Variants in GOLM2 observed in about 807,000 individuals in gnomAD.
The protein encoded by GOLM2 is protein GOLM2.
Under a neutral mutation model 55.9 loss-of-function variants are expected in GOLM2, and 26 were observed. That is an observed-to-expected ratio of 0.47 (90% CI 0.34 to 0.65). GOLM2 has a LOEUF of 0.65. GOLM2 is among the 30% of genes least tolerant of loss of function. GOLM2 has a pLI of 0.01. For missense variants in GOLM2, 486 were observed against 531.8 expected (o/e 0.91, Z 0.85); for synonymous variants, 165 against 194.6 (o/e 0.85, Z 1.27).
intron 8 of GOLM2, chr15:44,382,243 G>C (rs1482756664): frequency 2.6e-5 from 4 of 152,100 alleles, no homozygotes; most frequent in African/African-American, 9.7e-5. Context: ...TCAACAAGAA[G>C]AGGTGTACAG....
intron 1 of GOLM2, among the ~76,000 whole-genome samples, chr15:44,314,933 C>T (rs1376963245): frequency 1.3e-5 from 2 of 152,150 alleles, no homozygotes; most frequent in African/African-American, 4.8e-5. Context: ...TAGCCTAGGA[C>T]CTGGCACAAA....
At chr15:44,344,307 A>ATATATATATATATATATATATATATC in intron 6 of GOLM2, among the ~76,000 whole-genome samples, 1 of 150,028 alleles carries the variant, frequency 6.7e-6, no homozygotes, top group South Asian at 2.1e-4. Context: ...ATATATATAT[A>ATATATATATATATATATATATATATC]TATACCTCTG....
intron 8 of GOLM2, among the ~76,000 whole-genome samples, chr15:44,381,377 T>C (rs1000633956): frequency 6.6e-6 from 1 of 152,196 alleles, no homozygotes; most frequent in Non-Finnish European, 1.5e-5. Flanking sequence ...ACATACACTC[T>C]GGGGGATTGC....
In GOLM2 at chr15:44,415,067, C is replaced by T. The variant is rs887344265; in HGVS notation, c.*1661C>T. 1 of 152,480 alleles carries T rather than the reference C, an allele frequency of 6.6e-6. No homozygotes were observed. Among genetic ancestry groups the T allele is most frequent in the African/African-American group, 2.4e-5 (1 of 41,418 alleles). 9.4% of individuals were successfully genotyped at this position (152,480 alleles called of 1,614,324 possible). ...GTACTAACACATTCTAGGCAAAATT[C>T]AAACTTATAGTGGTAAAGAAACAGG... is the stretch of plus-strand genomic sequence containing the variant. On this transcript the variant is annotated 3_prime_UTR_variant, in exon 10 of 10. Coordinates refer to ENST00000299957, the MANE Select transcript of GOLM2 (RefSeq NM_138423.4).
intron 8 of GOLM2, among the ~76,000 whole-genome samples, chr15:44,383,121 A>C (rs779871651): frequency 6.6e-6 from 1 of 150,906 alleles, no homozygotes; most frequent in East Asian, 1.9e-4. Context: ...TGTATATATT[A>C]TATACATATA....
At chr15:44,290,050 T>C (rs1250132879) in intron 1 of GOLM2, among the ~76,000 whole-genome samples, 1 of 152,248 alleles carries the variant, frequency 6.6e-6, no homozygotes, top group Non-Finnish European at 1.5e-5. Context: ...CAGTGGAATG[T>C]CATGTCAGTG....
chr15:44,384,987 G>A (rs895357070), intron 8 of GOLM2, among the ~76,000 whole-genome samples: 1 of 150,938 alleles, frequency 6.6e-6, no homozygotes, highest in Admixed American at 6.6e-5. Flanking sequence ...TCTGAAGTTC[G>A]ACCATGCTGT....
intron 6 of GOLM2, among the ~76,000 whole-genome samples, chr15:44,359,261 A>G (rs1181682104): frequency 6.6e-6 from 1 of 152,094 alleles, no homozygotes; most frequent in Non-Finnish European, 1.5e-5. Context: ...CTGATAAAAG[A>G]TCTATGCAAA....
chr15:44,363,979 T>C (rs1274424688), intron 6 of GOLM2, among the ~76,000 whole-genome samples: 1 of 149,288 alleles, frequency 6.7e-6, no homozygotes, highest in Non-Finnish European at 1.5e-5. Flanking sequence ...CACTCATAGG[T>C]GGGAATTGAA....
intron 9 of GOLM2, among the ~76,000 whole-genome samples, chr15:44,408,219 TA>T (rs1439875078): frequency 6.6e-6 from 1 of 152,232 alleles, no homozygotes; most frequent in Non-Finnish European, 1.5e-5. Context: ...TTAGTTCTTA[TA>T]ATTATATTTA....
chr15:44,402,864 T>A, intron 8 of GOLM2, 23 bp from the exon 9 acceptor site: 1 of 1,611,974 alleles, frequency 6.2e-7, no homozygotes, highest in Non-Finnish European at 8.5e-7. Flanking sequence ...TACTCTTGAA[T>A]TAATCCTCTA....
At chr15:44,346,309 G>A (rs1202048594) in intron 6 of GOLM2, among the ~76,000 whole-genome samples, 4 of 150,962 alleles carry the variant, frequency 2.6e-5, no homozygotes, top group African/African-American at 9.7e-5. Context: ...TCTCTGGGGA[G>A]CTTGAAAAAA....
chr15:44,311,662 G>A (rs1469165386), intron 1 of GOLM2, among the ~76,000 whole-genome samples: 1 of 151,958 alleles, frequency 6.6e-6, no homozygotes, highest in Non-Finnish European at 1.5e-5. Flanking sequence ...TTGTGTGTGT[G>A]TGTGTGTGAT....
chr15:44,387,179 T>A (rs963806322), intron 8 of GOLM2: 3 of 139,092 alleles, frequency 2.2e-5, no homozygotes, highest in African/African-American at 8.5e-5. Context: ...CAAGACCTTG[T>A]CTGGAAAAAA....
chr15:44,368,666 C>T (rs1242628402), intron 6 of GOLM2, among the ~76,000 whole-genome samples: 3 of 151,806 alleles, frequency 2.0e-5, no homozygotes, highest in African/African-American at 7.3e-5. Flanking sequence ...GATGTTCCCA[C>T]ATTTTCCTTT....
intron 6 of GOLM2, among the ~76,000 whole-genome samples, chr15:44,363,778 G>A (rs1381171968): frequency 2.0e-5 from 3 of 151,238 alleles, no homozygotes; most frequent in Non-Finnish European, 4.4e-5. Flanking sequence ...CAATAGCAAA[G>A]ACTTGGAACC....
intron 1 of GOLM2, among the ~76,000 whole-genome samples, chr15:44,310,502 CCACACA>C (rs34821071): frequency 1.0e-4 from 13 of 124,688 alleles, no homozygotes; most frequent in Admixed American, 1.6e-4. Context: ...ACACACACAC[CCACACA>C]CACACACACA....
At chr15:44,355,852 A>G (rs2079194708) in intron 6 of GOLM2, among the ~76,000 whole-genome samples, 1 of 152,164 alleles carries the variant, frequency 6.6e-6, no homozygotes. Context: ...AGGGGTCTAG[A>G]GAGCCCCCAC....
intron 8 of GOLM2, among the ~76,000 whole-genome samples, chr15:44,397,630 A>G (rs1048899338): frequency 2.6e-5 from 4 of 151,854 alleles, no homozygotes; most frequent in Non-Finnish European, 5.9e-5. Flanking sequence ...TTTGACTTAT[A>G]GCTGTTTTCT....
Sources: allele counts gnomAD v4.1 joint callset (sites outside exome capture counted in the v4.1 genomes callset), GRCh38; gene constraint gnomAD v4.1.1; transcripts MANE v1.5; gene names NCBI Gene and HGNC (gene_info 2026-07-23, HGNC 2026-07-21).